Variants in DSCAML1 observed in about 807,000 individuals in gnomAD.
The protein encoded by DSCAML1 is cell adhesion molecule DSCAML1.
DSCAML1 carries 38 observed loss-of-function variants against 200.5 expected under a neutral mutation model. The observed-to-expected ratio is 0.19, with a 90% confidence interval of 0.15 to 0.25. DSCAML1 has a LOEUF of 0.25. DSCAML1 is among the 10% of genes least tolerant of loss of function. The pLI, the probability that DSCAML1 is intolerant of heterozygous loss-of-function variation, is 1.00. For synonymous variants in DSCAML1, 1,215 were observed against 1,165.0 expected (o/e 1.04, Z -0.87); for missense variants, 2,223 against 2,858.8 (o/e 0.78, Z 5.07).
At chr11:117,770,897 G>A (rs941083418) in intron 3 of DSCAML1, among the ~76,000 whole-genome samples, 2 of 152,180 alleles carry the variant, frequency 1.3e-5, no homozygotes, top group South Asian at 4.1e-4. Flanking sequence ...AAAATAACTG[G>A]TATCTGTAGT....
chr11:117,758,341 T>C (rs12276648), intron 3 of DSCAML1, among the ~76,000 whole-genome samples: 8,066 of 150,698 alleles, frequency 0.054, 268 homozygotes, highest in Non-Finnish European at 0.069. Flanking sequence ...TAATCATTCC[T>C]CTGTTTATTT....
chr11:117,474,123 G>A (rs1016780445), intron 14 of DSCAML1, among the ~76,000 whole-genome samples: 6 of 152,152 alleles, frequency 3.9e-5, no homozygotes, highest in Admixed American at 2.0e-4. Context: ...CAGGTGCAGC[G>A]TTGGGCAATT....
chr11:117,691,958 CTTTTT>C (rs760967080), intron 3 of DSCAML1, among the ~76,000 whole-genome samples: 21 of 151,492 alleles, frequency 1.4e-4, no homozygotes, highest in African/African-American at 5.1e-4. Flanking sequence ...TCTGAAATGA[CTTTTT>C]TTTTAAGCTG....
At chr11:117,454,957 C>T (rs1232019876) in intron 19 of DSCAML1, among the ~76,000 whole-genome samples, 3 of 152,192 alleles carry the variant, frequency 2.0e-5, no homozygotes, top group African/African-American at 7.2e-5. Flanking sequence ...ACCTCTAGCT[C>T]ATGTCTTTCT....
intron 20 of DSCAML1, among the ~76,000 whole-genome samples, chr11:117,449,303 C>T (rs1166902245): frequency 1.3e-5 from 2 of 152,066 alleles, no homozygotes; most frequent in South Asian, 2.1e-4. Flanking sequence ...TGAAAATTCG[C>T]GGAGGTCTAC....
At chr11:117,627,725 C>T (rs1351019619) in intron 3 of DSCAML1, among the ~76,000 whole-genome samples, 1 of 152,080 alleles carries the variant, frequency 6.6e-6, no homozygotes, top group East Asian at 1.9e-4. Flanking sequence ...GGTTCCAACA[C>T]CTTCATTTTG....
In DSCAML1 at chr11:117,516,668, C is replaced by A. The variant is rs758132059; in HGVS notation, c.1582G>T (p.Val528Phe). The A allele has an allele frequency of 9.9e-6, 16 of 1,614,068 alleles. No homozygotes were observed. Among genetic ancestry groups the A allele is most frequent in the Non-Finnish European group, 1.3e-5 (15 of 1,180,014 alleles). The stretch of plus-strand genomic sequence containing the variant: ...ATGGAGTAGTAGGGATAGCCGATGA[C>A]CCTGCAGTTGATAAGGGTGTCCCGC... ...AGRDTLINCR[V>F]IGYPYYSIKW... The change falls in exon 8 of 33, where the codon GTC (valine) becomes TTC (phenylalanine). Residue 528 changes from valine (V) to phenylalanine (F), a missense_variant. By Grantham distance (50) the Val-to-Phe change is conservative. Transcript: ENST00000651296. The surrounding 1 kb of genome is among the most constrained non-coding windows in gnomAD (Gnocchi z 5.7).
At chr11:117,433,635 A>C (rs1276772423) in intron 27 of DSCAML1, among the ~76,000 whole-genome samples, 164 bp from the exon 28 acceptor site, 3 of 152,210 alleles carry the variant, frequency 2.0e-5, no homozygotes, top group African/African-American at 7.2e-5. Context: ...AAACAGCCCA[A>C]AACATGACGC....
intron 3 of DSCAML1, among the ~76,000 whole-genome samples, chr11:117,704,634 T>C (rs1020236163): frequency 2.6e-5 from 4 of 152,094 alleles, no homozygotes; most frequent in Non-Finnish European, 5.9e-5. Context: ...TCCCAGTGAC[T>C]CGGTGACTCG....
intron 3 of DSCAML1, among the ~76,000 whole-genome samples, chr11:117,725,183 T>TG (rs2137804369): frequency 6.6e-6 from 1 of 152,300 alleles, no homozygotes; most frequent in South Asian, 2.1e-4. Flanking sequence ...CAGGCATAGC[T>TG]GGGCCGGTCT....
chr11:117,675,615 C>T (rs2053197398), intron 3 of DSCAML1, among the ~76,000 whole-genome samples: 1 of 151,320 alleles, frequency 6.6e-6, no homozygotes, highest in South Asian at 2.1e-4. Context: ...TCCCAGTCTA[C>T]AATTAGGCAT....
intron 3 of DSCAML1, among the ~76,000 whole-genome samples, chr11:117,609,568 A>G (rs1236410636): frequency 6.6e-6 from 1 of 152,056 alleles, no homozygotes; most frequent in Admixed American, 6.6e-5. Flanking sequence ...CGGCCTCCCA[A>G]AGTGCTGAGA....
At chr11:117,456,277 C>T (rs1009729132) in intron 19 of DSCAML1, among the ~76,000 whole-genome samples, 1 of 152,212 alleles carries the variant, frequency 6.6e-6, no homozygotes, top group African/African-American at 2.4e-5. Flanking sequence ...GGCTGGGAAC[C>T]ACTGACTTAA....
At chr11:117,539,610 A>AAAAAAAAAAAAAAAAAAAAAG in intron 3 of DSCAML1, among the ~76,000 whole-genome samples, 1 of 147,336 alleles carries the variant, frequency 6.8e-6, no homozygotes, top group Non-Finnish European at 1.5e-5. Context: ...CTCTGTCAAA[A>AAAAAAAAAAAAAAAAAAAAAG]AAAAAAAAAA....
In DSCAML1 at chr11:117,518,759, C is replaced by T; in HGVS notation, c.1217G>A (p.Gly406Asp). 1 of 1,610,284 alleles carries T rather than the reference C, an allele frequency of 6.2e-7. No individual in the cohort carries two copies. Residue 406 changes from glycine to aspartate, a missense_variant, in exon 7 of 33, where the codon GGC (glycine) becomes GAC (aspartate). Gly to Asp is a moderately conservative substitution (Grantham distance 94). Around this residue, in one of 7 missense-constraint regions of DSCAML1, gnomAD observed 579 missense variants for 721.5 expected, o/e 0.80. Transcript: ENST00000651296. The surrounding 1 kb of genome is among the most constrained non-coding windows in gnomAD (Gnocchi z 6.3). ...GAAGGACGAGACGATGCGGGGCGTG[C>T]CATCTGCAGGGAGCGAGAAGCCCCC... ...QDFAIIALED[G>D]TPRIVSSFSE...
intron 8 of DSCAML1, among the ~76,000 whole-genome samples, chr11:117,506,058 G>A (rs560536127): frequency 1.3e-5 from 2 of 152,252 alleles, no homozygotes; most frequent in South Asian, 4.1e-4. Flanking sequence ...CTGCTCCTCG[G>A]CACCCCTGTA....
intron 8 of DSCAML1, among the ~76,000 whole-genome samples, chr11:117,511,138 G>A (rs192494046): frequency 8.5e-5 from 13 of 152,306 alleles, no homozygotes; most frequent in Admixed American, 3.3e-4. Flanking sequence ...GAGCAGTGCT[G>A]AAGCTCAGCA....
chr11:117,485,458 G>A (rs1243626451), intron 11 of DSCAML1, among the ~76,000 whole-genome samples: 1 of 152,220 alleles, frequency 6.6e-6, no homozygotes, highest in African/African-American at 2.4e-5. Flanking sequence ...ATGAGGAAGA[G>A]GAGAGAAGCT....
chr11:117,602,291 C>T (rs527910128), intron 3 of DSCAML1, among the ~76,000 whole-genome samples: 2 of 152,350 alleles, frequency 1.3e-5, no homozygotes, highest in African/African-American at 4.8e-5. Flanking sequence ...CCTGGAGTGG[C>T]CGGTTGTCTT....
Sources: gnomAD v4.1 joint callset for allele counts (sites outside exome capture counted in the v4.1 genomes callset) on GRCh38, gnomAD v4.1.1 for gene constraint, gnomAD v4.1.1 regional missense constraint, Gnocchi (gnomAD v3.1) non-coding constraint, MANE v1.5 for transcripts, NCBI Gene and HGNC (gene_info 2026-07-23, HGNC 2026-07-21) for gene names.